The following CYRIB variants were observed in gnomAD, a reference collection of about 807,000 sequenced individuals.
CYRIB encodes CYFIP-related Rac1 interactor B.
A neutral mutation model predicts 44.2 loss-of-function variants in CYRIB; 8 were observed. That is an observed-to-expected ratio of 0.18 (90% CI 0.11 to 0.33). The LOEUF (loss-of-function observed/expected upper bound fraction) is 0.33. CYRIB is among the 10% of genes least tolerant of loss of function. The pLI is 1.00. For missense variants in CYRIB, 185 were observed against 382.8 expected (o/e 0.48, Z 4.31); for synonymous variants, 131 against 127.2 (o/e 1.03, Z -0.20).
intron 4 of CYRIB, among the ~76,000 whole-genome samples, chr8:129,869,723 G>A (rs2056152907): frequency 6.6e-6 from 1 of 152,082 alleles, no homozygotes; most frequent in African/African-American, 2.4e-5. Flanking sequence ...CAAGACCAAA[G>A]CCCTTGTATT....
intron 4 of CYRIB, among the ~76,000 whole-genome samples, chr8:129,863,865 TTCTC>T (rs1489297172): frequency 6.6e-6 from 1 of 152,222 alleles, no homozygotes; most frequent in Non-Finnish European, 1.5e-5. Context: ...CTGATTTACT[TTCTC>T]TAACATCTTG....
At chr8:129,981,852 ACAGGTGCCCCCGCT>A (rs904416544) in intron 1 of CYRIB, among the ~76,000 whole-genome samples, 8 of 152,278 alleles carry the variant, frequency 5.3e-5, no homozygotes, top group African/African-American at 1.9e-4. Flanking sequence ...TGCTGTCCAG[ACAGGTGCCCCCGCT>A]GGTCCACCCG....
At chr8:129,957,964 C>CAAAAAAAAA in intron 2 of CYRIB, among the ~76,000 whole-genome samples, 1 of 103,760 alleles carries the variant, frequency 9.6e-6, no homozygotes, top group Non-Finnish European at 2.0e-5. Flanking sequence ...GACTCCATCT[C>CAAAAAAAAA]AAAAAAAAAA....
chr8:130,008,135 G>C (rs979148566), intron 1 of CYRIB, among the ~76,000 whole-genome samples: 1 of 152,128 alleles, frequency 6.6e-6, no homozygotes, highest in Admixed American at 6.5e-5. Context: ...CTTGAACCCG[G>C]GAGGTGGAGG....
chr8:130,013,762 T>C (rs1301372068), intron 1 of CYRIB, among the ~76,000 whole-genome samples: 2 of 152,188 alleles, frequency 1.3e-5, no homozygotes, highest in African/African-American at 4.8e-5. Flanking sequence ...GGGACCAGGA[T>C]TCCACATAGG....
At position 129,887,921 on chromosome 8, in the gene CYRIB, G is replaced by A. The variant is rs57730543; in HGVS notation, c.-10-8450C>T. 2.6e-3 allele frequency among the ~76,000 whole-genome samples: 398 copies of A among 152,320 alleles called. 1 individual carries two copies. Among genetic ancestry groups the A allele is most frequent in the African/African-American group, 9.1e-3 (378 of 41,578 alleles). ...AAAGACTCATAGGTGGAAGGGACTT[G>A]TCTCATCTCAGGTGAGACTTTGGAC... On this transcript the variant is annotated intron_variant, in intron 2 of 11. Coordinates refer to ENST00000519824, the Ensembl canonical transcript of CYRIB.
intron 3 of CYRIB, among the ~76,000 whole-genome samples, chr8:129,872,807 T>C (rs996904207): frequency 6.6e-6 from 1 of 152,042 alleles, no homozygotes; most frequent in African/African-American, 2.4e-5. Context: ...TAAATCTTTG[T>C]CTACCAATCA....
At chr8:129,869,381 CAAAAAA>C (rs572134261) in intron 4 of CYRIB, among the ~76,000 whole-genome samples, 20 of 74,082 alleles carry the variant, frequency 2.7e-4, no homozygotes, top group African/African-American at 7.8e-4. Context: ...AACTCTGCCT[CAAAAAA>C]AAAAAAAAAA....
chr8:129,960,893 T>C (rs1238866433), intron 2 of CYRIB, among the ~76,000 whole-genome samples: 3 of 144,070 alleles, frequency 2.1e-5, no homozygotes, highest in Non-Finnish European at 3.0e-5. Context: ...GAGGTTGCAG[T>C]GAGCCAAGAT....
chr8:129,854,352 G>A lies in CYRIB; in HGVS notation c.439-9C>T. On this transcript the variant is annotated splice_polypyrimidine_tract_variant and intron_variant, in intron 6 of 11. Transcript: ENST00000519824. ...ATGGCAGGATTTGTCATCTGAAGAA[G>A]ACAGTTGTGGAAAAAAAATGTTATG... The A allele has an allele frequency of 6.3e-7, 1 of 1,595,306 alleles. No individual in the cohort carries two copies. Among genetic ancestry groups the A allele is most frequent in the African/African-American group, 1.4e-5 (1 of 73,928 alleles).
intron 3 of CYRIB, among the ~76,000 whole-genome samples, chr8:129,875,807 C>G (rs2058907381): frequency 1.3e-5 from 2 of 152,120 alleles, no homozygotes; most frequent in Non-Finnish European, 2.9e-5. Flanking sequence ...ATTCAAACAT[C>G]ACCATCAGAA....
At chr8:129,990,306 A>C (rs985084073) in intron 1 of CYRIB, among the ~76,000 whole-genome samples, 2 of 152,220 alleles carry the variant, frequency 1.3e-5, no homozygotes, top group African/African-American at 4.8e-5. Flanking sequence ...TGTTTTATGT[A>C]GTCTTAACAC....
At chr8:129,982,075 A>G (rs1407617321) in intron 1 of CYRIB, among the ~76,000 whole-genome samples, 1 of 152,178 alleles carries the variant, frequency 6.6e-6, no homozygotes, top group African/African-American at 2.4e-5. Flanking sequence ...TTGGCCAGGG[A>G]ATTTCCTAGC....
intron 1 of CYRIB, among the ~76,000 whole-genome samples, chr8:129,928,475 A>T (rs902018988): frequency 6.6e-6 from 1 of 152,128 alleles, no homozygotes; most frequent in Non-Finnish European, 1.5e-5. Flanking sequence ...AAAAATGGGC[A>T]AAAAGACCTG....
At chr8:129,993,697 A>T (rs1393559009) in intron 1 of CYRIB, among the ~76,000 whole-genome samples, 2 of 140,826 alleles carry the variant, frequency 1.4e-5, no homozygotes, top group African/African-American at 5.2e-5. Flanking sequence ...ACTCTCTCTC[A>T]AAAAAAAAAA....
chr8:129,983,688 C>A (rs992723437), intron 1 of CYRIB, among the ~76,000 whole-genome samples: 1 of 152,148 alleles, frequency 6.6e-6, no homozygotes, highest in Non-Finnish European at 1.5e-5. Context: ...CTCACGTGCG[C>A]TCTGCACCAG....
At chr8:129,874,437 A>C (rs79173222) in intron 3 of CYRIB, among the ~76,000 whole-genome samples, 6,723 of 152,196 alleles carry the variant, frequency 0.044, 258 homozygotes, top group African/African-American at 0.1. Flanking sequence ...TAACTATGAA[A>C]TGAAAAAATA....
intron 2 of CYRIB, among the ~76,000 whole-genome samples, chr8:129,967,443 G>C (rs1466817357): frequency 3.3e-5 from 5 of 151,130 alleles, no homozygotes; most frequent in East Asian, 1.9e-4. Flanking sequence ...GCAGTGGCGC[G>C]ATCTCGGCTC....
intron 1 of CYRIB, among the ~76,000 whole-genome samples, chr8:129,915,091 A>G (rs1438340093): frequency 2.0e-5 from 3 of 152,250 alleles, no homozygotes; most frequent in Non-Finnish European, 4.4e-5. Flanking sequence ...AAGCCACTTT[A>G]AAAAGTTAAA....
Sources: gnomAD v4.1 joint callset for allele counts (sites outside exome capture counted in the v4.1 genomes callset) on GRCh38, gnomAD v4.1.1 for gene constraint, MANE v1.5 for transcripts, NCBI Gene and HGNC (gene_info 2026-07-23, HGNC 2026-07-21) for gene names.